Variants in UNC80 observed in about 807,000 individuals in gnomAD.
UNC80 encodes the protein unc-80 subunit of NALCN channel complex.
Under a neutral mutation model 384.6 loss-of-function variants are expected in UNC80, and 164 were observed. The ratio of observed to expected loss-of-function variants is 0.43; its 90% CI spans 0.38 to 0.49. The LOEUF (loss-of-function observed/expected upper bound fraction) is 0.49. Ranked by LOEUF, UNC80 falls within the 20% of genes least tolerant of loss-of-function variation. UNC80 has a pLI of 0.00. For missense variants in UNC80, 3,330 were observed against 4,143.0 expected (o/e 0.80, Z 5.39); for synonymous variants, 1,486 against 1,527.8 (o/e 0.97, Z 0.64).
chr2:209,852,821 A>G (rs1226275712), intron 22 of UNC80, among the ~76,000 whole-genome samples: 1 of 152,128 alleles, frequency 6.6e-6, no homozygotes, highest in African/African-American at 2.4e-5. Context: ...GTTTCATCCA[A>G]TATGTGATTC....
rs67328888 is a variant in UNC80 at position 209,866,486 on chromosome 2, A to ACC, written c.3628-6268_3628-6267dup. 5.2e-3 allele frequency among the ~76,000 whole-genome samples: 583 copies of ACC among 111,666 alleles called. 2 individuals carry two copies. Among genetic ancestry groups the ACC allele is most frequent in the African/African-American group, 0.012 (300 of 25,508 alleles). The allele number at this position is 111,666 out of a possible 152,430, so 73.3% of individuals were successfully genotyped here. On this transcript the variant is annotated intron_variant, in intron 22 of 64. Transcript: ENST00000673920. Reference sequence around the variant, plus strand: ...ATAAACATTCCATAATACAAAATGCACCCCCACACACACACACACACACAC... The same window carrying ACC: ...ATAAACATTCCATAATACAAAATGCACCCCCCCACACACACACACACACACAC...
At position 209,976,482 on chromosome 2, in the gene UNC80, C is replaced by T. The variant is rs1188649957; in HGVS notation, c.8772+179C>T. Among the ~76,000 whole-genome samples the T allele has an allele frequency of 1.3e-5, 2 of 152,080 alleles. No homozygotes were observed. Among genetic ancestry groups the T allele is most frequent in the Non-Finnish European group, 2.9e-5 (2 of 68,020 alleles). ...AATATATTCCAGAGGATAAAAATTT[C>T]ACACTAGAAATGCCTTCACAGTAAG... On this transcript the variant is annotated intron_variant, in intron 57 of 64. Coordinates refer to ENST00000673920, the MANE Select transcript of UNC80 (RefSeq NM_001371986.1). The surrounding 1 kb of genome is among the most constrained non-coding windows in gnomAD (Gnocchi z 4.3).
At position 209,872,824 on chromosome 2, in the gene UNC80, C is replaced by T. The variant is rs1427993274; in HGVS notation, c.3694C>T (p.Arg1232Cys). ...TGCTCGTTTTGTTCACCGCTGCAAC[C>T]GTGGCAACTGGCCAGAGTGGATGAA... ...ECARFVHRCN[R>C]GNWPEWMKGH... The change falls in exon 23 of 65, where the codon CGT (arginine) becomes TGT (cysteine). Residue 1232 changes from arginine to cysteine, a missense_variant. Around this residue, in one of 8 missense-constraint regions of UNC80, gnomAD observed 801 missense variants for 950.8 expected, o/e 0.84. Transcript: ENST00000673920. This position sits in a 1 kb window ranked among gnomAD's most constrained non-coding sequence, Gnocchi z 4.1. 3.9e-6 allele frequency: 6 copies of T among 1,551,340 alleles called. No homozygotes were observed. In the Admixed American group the frequency reaches 5.9e-5, roughly 15 times the overall value.
intron 22 of UNC80, among the ~76,000 whole-genome samples, chr2:209,870,243 T>C (rs1205865911): frequency 6.6e-6 from 1 of 152,206 alleles, no homozygotes; most frequent in Non-Finnish European, 1.5e-5. Context: ...ATTGGCAATG[T>C]GTCATATTGT....
chr2:209,793,671 A>G, intron 6 of UNC80, 49 bp from the exon 7 acceptor site: 3 of 1,602,198 alleles, frequency 1.9e-6, no homozygotes, highest in Non-Finnish European at 2.6e-6. Context: ...TACAGGGGAA[A>G]ACAAAAAACA....
chr2:209,880,575 A>G (rs1231517850), intron 24 of UNC80, among the ~76,000 whole-genome samples: 1 of 152,198 alleles, frequency 6.6e-6, no homozygotes, highest in African/African-American at 2.4e-5. Flanking sequence ...CAGCGTAGAA[A>G]TCTTGCGAAA....
rs751700237 is a variant in UNC80, at chr2:209,842,330, C to CTTTTTTT, written c.3358-17_3358-11dup. On this transcript the variant is annotated intron_variant, in intron 20 of 64. Coordinates refer to ENST00000673920, the MANE Select transcript of UNC80 (RefSeq NM_001371986.1). Reference sequence around the variant, plus strand: ...CTTTGAATCTTATCTCTCTACTTTCCTTTTTTTTTCTTTTTTCAGGTCAAA... The same window carrying CTTTTTTT: ...CTTTGAATCTTATCTCTCTACTTTCCTTTTTTTTTTTTTTTTCTTTTTTCAGGTCAAA... 9 of 1,488,588 alleles carry CTTTTTTT rather than the reference C, an allele frequency of 6.0e-6. No homozygotes were observed. Among genetic ancestry groups the CTTTTTTT allele is most frequent in the African/African-American group, 1.4e-5 (1 of 70,750 alleles). The allele number at this position is 1,488,588 out of a possible 1,614,324, so 92.2% of individuals were successfully genotyped here.
At position 209,973,167 on chromosome 2, in the gene UNC80, C is replaced by T. The variant is rs1430089024; in HGVS notation, c.8484C>T (p.Phe2828=). Residue 2828 remains phenylalanine, a synonymous_variant, in exon 56 of 65, where the codon TTC becomes TTT. Transcript: ENST00000673920. ...RIISTSRSKN[F]MLESSPAHCS... ...TCAGCACATCCAGGAGCAAGAACTTCATGTTAGAGAGCTCCCCAGCCCACT... is the reference window on the plus strand; with the variant it reads ...TCAGCACATCCAGGAGCAAGAACTTTATGTTAGAGAGCTCCCCAGCCCACT... 4.9e-5 allele frequency: 76 copies of T among 1,551,556 alleles called. No individual in the cohort carries two copies. Among genetic ancestry groups the T allele is most frequent in the Non-Finnish European group, 6.5e-5 (74 of 1,147,000 alleles).
At chr2:209,857,985 A>G (rs1371625764) in intron 22 of UNC80, among the ~76,000 whole-genome samples, 1 of 152,232 alleles carries the variant, frequency 6.6e-6, no homozygotes, top group African/African-American at 2.4e-5. Context: ...AAGAATTTGT[A>G]TTCGCCACTT....
At chr2:209,852,597 G>A (rs1041911040) in intron 22 of UNC80, among the ~76,000 whole-genome samples, 4 of 152,106 alleles carry the variant, frequency 2.6e-5, no homozygotes, top group African/African-American at 9.7e-5. Context: ...AAAGGGGCTG[G>A]TGAATTCTGA....
At position 209,786,199 on chromosome 2, in the gene UNC80, T is replaced by A; in HGVS notation, c.724+10T>A. ...AGGAACATCATTACAGGTTTGTAAC[T>A]TGGACACTCAGTAGGACAGTATTAG... On this transcript the variant is annotated intron_variant, in intron 5 of 64. Coordinates refer to ENST00000673920, the MANE Select transcript of UNC80 (RefSeq NM_001371986.1). The A allele has an allele frequency of 6.2e-7, 1 of 1,613,126 alleles. No homozygotes were observed.
intron 22 of UNC80, among the ~76,000 whole-genome samples, chr2:209,854,996 C>T (rs552070600): frequency 3.2e-4 from 49 of 152,298 alleles, no homozygotes; most frequent in African/African-American, 1.1e-3. Flanking sequence ...CACATGCACA[C>T]GTATGTTTAT....
At position 209,888,177 on chromosome 2, in the gene UNC80, T is replaced by C. The variant is rs1370489029; in HGVS notation, c.4193T>C (p.Leu1398Pro). The change falls in exon 26 of 65, where the codon CTG (leucine) becomes CCG (proline). Residue 1398 changes from leucine (L) to proline (P), a missense_variant. Physicochemically the swap from Leu to Pro is moderately conservative, Grantham distance 98. This residue lies in a region of UNC80 where 801 missense variants were observed against 950.8 expected (regional missense o/e 0.84). Transcript: ENST00000673920. ...YERKISFAGV[L>P]DENEDSKDSL... is the part of the protein sequence containing the mutation. ...AGGAAGATCAGCTTTGCTGGGGTCCTGGACGAAAATGAAGACTCAAAAGAT... is the reference window on the plus strand; with the variant it reads ...AGGAAGATCAGCTTTGCTGGGGTCCCGGACGAAAATGAAGACTCAAAAGAT... The C allele has an allele frequency of 1.9e-6, 3 of 1,551,554 alleles. No homozygotes were observed. Among genetic ancestry groups the C allele is most frequent in the Non-Finnish European group, 2.6e-6 (3 of 1,146,994 alleles).
chr2:209,956,242 A>G (rs1015617111), intron 48 of UNC80, among the ~76,000 whole-genome samples: 2 of 904 alleles, frequency 2.2e-3, no homozygotes, highest in Non-Finnish European at 2.2e-3. Flanking sequence ...GACTAGCTTC[A>G]TTATTTGGTA....
intron 7 of UNC80, among the ~76,000 whole-genome samples, chr2:209,801,507 C>T (rs1456877466): frequency 7.3e-5 from 11 of 150,502 alleles, no homozygotes; most frequent in African/African-American, 1.7e-4. Flanking sequence ...CTCAGCCTCC[C>T]GAGTAGCTGG....
chr2:209,987,372 T>C (rs2093310167), intron 61 of UNC80, among the ~76,000 whole-genome samples: 1 of 152,216 alleles, frequency 6.6e-6, no homozygotes, highest in Non-Finnish European at 1.5e-5. Context: ...TTAGAAACAC[T>C]ATGCTTTGCA....
intron 13 of UNC80, among the ~76,000 whole-genome samples, chr2:209,823,763 T>C (rs1253335620): frequency 6.6e-6 from 1 of 152,076 alleles, no homozygotes; most frequent in African/African-American, 2.4e-5. Flanking sequence ...CTCTATGAAA[T>C]AGATATTATG....
chr2:209,933,774 G>T, intron 38 of UNC80, 48 bp from the exon 39 acceptor site: 1 of 1,469,088 alleles, frequency 6.8e-7, no homozygotes, highest in East Asian at 2.5e-5. Context: ...GAGAATGTGA[G>T]CTCGGGATTA....
At chr2:209,954,438 T>C in intron 48 of UNC80, 168 bp downstream of exon 48, 1 of 488,418 alleles carries the variant, frequency 2.0e-6, no homozygotes, top group Admixed American at 3.9e-5. Context: ...GTTCGTGAGT[T>C]ATTTGAATAA....
Sources: allele counts gnomAD v4.1 joint callset (sites outside exome capture counted in the v4.1 genomes callset), GRCh38; gene constraint gnomAD v4.1.1; regional missense constraint gnomAD v4.1.1; non-coding constraint Gnocchi (gnomAD v3.1); transcripts MANE v1.5; gene names NCBI Gene and HGNC (gene_info 2026-07-23, HGNC 2026-07-21).